ARID1B: variants seen among roughly 807,000 people sequenced by gnomAD.
ARID1B encodes the protein AT-rich interactive domain-containing protein 1B.
Under a neutral mutation model 212.3 loss-of-function variants are expected in ARID1B, and 30 were observed. The ratio of observed to expected loss-of-function variants is 0.14; its 90% CI spans 0.11 to 0.19. ARID1B has a LOEUF of 0.19. Among genes scored for constraint, ARID1B ranks in the 10% least tolerant of loss-of-function variants. The probability of loss-of-function intolerance (pLI) is 1.00; values close to 1 mark genes in which losing one functional copy is unlikely to be tolerated. For synonymous variants in ARID1B, 1,402 were observed against 1,301.7 expected (o/e 1.08, Z -1.66); for missense variants, 2,891 against 3,204.0 (o/e 0.90, Z 2.36).
intron 2 of ARID1B, among the ~76,000 whole-genome samples, chr6:156,831,212 C>A (rs1783115638): frequency 6.6e-6 from 1 of 152,216 alleles, no homozygotes; most frequent in African/African-American, 2.4e-5. Context: ...GCCCAGGCAG[C>A]TGGCTGCTCA....
At chr6:157,073,821 A>G (rs1784135077) in intron 4 of ARID1B, among the ~76,000 whole-genome samples, 1 of 152,252 alleles carries the variant, frequency 6.6e-6, no homozygotes, top group Non-Finnish European at 1.5e-5. Context: ...TTTAACGAGC[A>G]CAGATCTTGG....
At chr6:157,160,310 C>T (rs1031789171) in intron 8 of ARID1B, among the ~76,000 whole-genome samples, 1 of 152,192 alleles carries the variant, frequency 6.6e-6, no homozygotes, top group Admixed American at 6.5e-5. Context: ...CACGCTTTCC[C>T]CTGATGTTCT....
chr6:157,079,522 A>G (rs567554248), intron 4 of ARID1B, among the ~76,000 whole-genome samples: 2 of 152,346 alleles, frequency 1.3e-5, no homozygotes, highest in East Asian at 3.9e-4. Context: ...GAAGATGTGA[A>G]GTAATTTTAC....
chr6:156,894,497 A>C (rs970112911), intron 2 of ARID1B, among the ~76,000 whole-genome samples: 1 of 152,242 alleles, frequency 6.6e-6, no homozygotes. Context: ...AGCACAATTA[A>C]AAAAGGTCTT....
chr6:157,050,454 G>A (rs1025249966), intron 4 of ARID1B, among the ~76,000 whole-genome samples: 3 of 152,172 alleles, frequency 2.0e-5, no homozygotes, highest in African/African-American at 7.2e-5. Context: ...TGAGGCAGGA[G>A]AATTGCTTGA....
chr6:157,151,802 A>G (rs1790219032), intron 8 of ARID1B: 1 of 152,244 alleles, frequency 6.6e-6, no homozygotes, highest in Non-Finnish European at 1.5e-5. Flanking sequence ...AGCTTTGTTT[A>G]AACAGTAAAC....
intron 4 of ARID1B, among the ~76,000 whole-genome samples, chr6:156,979,364 T>C (rs1443310193): frequency 6.6e-6 from 1 of 152,186 alleles, no homozygotes; most frequent in Non-Finnish European, 1.5e-5. Context: ...CTTTAAACTC[T>C]TCATATCCTG....
intron 8 of ARID1B, among the ~76,000 whole-genome samples, chr6:157,159,756 CAA>C (rs1394770801): frequency 6.6e-6 from 1 of 152,112 alleles, no homozygotes; most frequent in Non-Finnish European, 1.5e-5. Flanking sequence ...GCTTTGAAAA[CAA>C]GAGGCCCTGT....
At chr6:156,853,675 C>T (rs538388580) in intron 2 of ARID1B, among the ~76,000 whole-genome samples, 2 of 152,252 alleles carry the variant, frequency 1.3e-5, no homozygotes, top group South Asian at 4.2e-4. Context: ...GCCCTAACCT[C>T]GAAGAGATGG....
chr6:156,827,820 G>T (rs903159783), intron 1 of ARID1B, among the ~76,000 whole-genome samples: 1 of 136,302 alleles, frequency 7.3e-6, no homozygotes, highest in Admixed American at 8.0e-5. Context: ...GGCTGGAGTG[G>T]CACAATCTTG....
At chr6:156,978,711 G>C (rs1010381111) in intron 4 of ARID1B, among the ~76,000 whole-genome samples, 1 of 152,210 alleles carries the variant, frequency 6.6e-6, no homozygotes, top group Non-Finnish European at 1.5e-5. Context: ...TTTCATGGTA[G>C]AGTATCTTTG....
chr6:157,158,535 G>A (rs143941577), intron 8 of ARID1B, among the ~76,000 whole-genome samples: 5,394 of 152,168 alleles, frequency 0.035, 323 homozygotes, highest in African/African-American at 0.12. Context: ...CTTCCCCCTC[G>A]CACTGCTAAA....
In ARID1B at chr6:157,088,244, G is replaced by A. The variant is rs186075085; in HGVS notation, c.2491+3339G>A. 4.3e-3 allele frequency among the ~76,000 whole-genome samples: 657 copies of A among 152,268 alleles called. 1 individual carries two copies. The highest frequency in any genetic ancestry group is 7.2e-3 in the Non-Finnish European group (491 of 68,022). ...GCACCATTTTCTCATTCATACAGAGGAGCCAGGTTACCCTCAGTAACCTTG... is the reference window on the plus strand; with the variant it reads ...GCACCATTTTCTCATTCATACAGAGAAGCCAGGTTACCCTCAGTAACCTTG... On this transcript the variant is annotated intron_variant, in intron 5 of 19. Transcript: ENST00000636930.
intron 5 of ARID1B, among the ~76,000 whole-genome samples, chr6:157,102,687 C>G (rs1488279283): frequency 6.7e-6 from 1 of 148,720 alleles, no homozygotes; most frequent in Non-Finnish European, 1.5e-5. Flanking sequence ...ATCTCTGCCT[C>G]CCGGGTTCAA....
rs2128357778 is a variant in ARID1B at position 157,196,334 on chromosome 6, G to A, written c.4382+19G>A. ...ACCGAAGGTGAGTATTTTTTAAGAT[G>A]ACAATATGATGATTTACTAGAAACC... On this transcript the variant is annotated intron_variant, in intron 16 of 19. Transcript: ENST00000636930. 1.9e-6 allele frequency: 3 copies of A among 1,582,290 alleles called. No individual in the cohort carries two copies. Among genetic ancestry groups the A allele is most frequent in the Non-Finnish European group, 2.6e-6 (3 of 1,171,318 alleles).
intron 4 of ARID1B, among the ~76,000 whole-genome samples, chr6:157,018,943 G>T (rs1780066822): frequency 6.6e-6 from 1 of 152,136 alleles, no homozygotes; most frequent in African/African-American, 2.4e-5. Context: ...AATGTACAGG[G>T]AAAGTGAAGG....
intron 3 of ARID1B, among the ~76,000 whole-genome samples, chr6:156,914,026 C>T (rs1790138891): frequency 6.8e-6 from 1 of 146,606 alleles, no homozygotes; most frequent in Non-Finnish European, 1.5e-5. Context: ...GTGGTGCCCC[C>T]ATTCCACTCT....
chr6:157,051,657 A>G (rs1290781417), intron 4 of ARID1B, among the ~76,000 whole-genome samples: 2 of 152,216 alleles, frequency 1.3e-5, no homozygotes, highest in Admixed American at 1.3e-4. Context: ...CTTTCAATAA[A>G]TGCAGGCAGA....
intron 13 of ARID1B, among the ~76,000 whole-genome samples, chr6:157,187,222 G>A (rs1486610010): frequency 6.6e-6 from 1 of 152,188 alleles, no homozygotes; most frequent in Non-Finnish European, 1.5e-5. Flanking sequence ...GGAGGGGAAT[G>A]GAAGGGACCA....
Sources: gnomAD v4.1 joint callset for allele counts (sites outside exome capture counted in the v4.1 genomes callset) on GRCh38, gnomAD v4.1.1 for gene constraint, MANE v1.5 for transcripts, NCBI Gene and HGNC (gene_info 2026-07-23, HGNC 2026-07-21) for gene names.